The following SGCZ variants were observed in gnomAD, a reference collection of about 807,000 sequenced individuals.
SGCZ encodes the protein zeta-sarcoglycan.
SGCZ carries 40 observed loss-of-function variants against 41.3 expected under a neutral mutation model. The ratio of observed to expected loss-of-function variants is 0.97; its 90% confidence interval spans 0.75 to 1.26. SGCZ has a LOEUF of 1.26. Ranked by LOEUF, SGCZ falls within the 50% of genes most tolerant of loss-of-function variation. SGCZ has a pLI of 0.00. For synonymous variants in SGCZ, 206 were observed against 137.5 expected, an observed-to-expected ratio of 1.50 and a Z score of -3.49; for missense variants, 552 against 369.8, an observed-to-expected ratio of 1.49 and a Z score of -4.04.
chr8:14,595,069 C>A (rs1805365398), intron 1 of SGCZ, among the ~76,000 whole-genome samples: 1 of 150,116 alleles, frequency 6.7e-6, no homozygotes, highest in African/African-American at 2.5e-5. Context: ...TTACTTATTT[C>A]TATACTGTTT....
intron 1 of SGCZ, among the ~76,000 whole-genome samples, chr8:14,800,410 A>C (rs553965323): frequency 6.6e-6 from 1 of 152,272 alleles, no homozygotes; most frequent in Admixed American, 6.5e-5. Context: ...TGCATATGAA[A>C]ATGGAAAGGA....
intron 2 of SGCZ, among the ~76,000 whole-genome samples, chr8:14,527,650 A>G (rs947059220): frequency 3.3e-5 from 5 of 152,142 alleles, no homozygotes; most frequent in African/African-American, 1.2e-4. Context: ...ATTTAAGCTT[A>G]AATTTTAATT....
chr8:14,976,484 G>C (rs1444674172), intron 1 of SGCZ, among the ~76,000 whole-genome samples: 1 of 151,862 alleles, frequency 6.6e-6, no homozygotes, highest in Non-Finnish European at 1.5e-5. Context: ...TTTTTAACTT[G>C]TTAGATGTAT....
chr8:14,343,266 C>A (rs534927207), intron 2 of SGCZ, among the ~76,000 whole-genome samples: 8 of 152,188 alleles, frequency 5.3e-5, no homozygotes, highest in Non-Finnish European at 8.8e-5. Context: ...CACAGAGTTC[C>A]TACTGGGGCA....
chr8:14,462,835 A>T (rs958777726), intron 2 of SGCZ, among the ~76,000 whole-genome samples: 2 of 151,496 alleles, frequency 1.3e-5, no homozygotes, highest in African/African-American at 4.8e-5. Flanking sequence ...ACAATATTAA[A>T]CCTTCCAATC....
chr8:14,163,948 G>A (rs1448553625), intron 5 of SGCZ, among the ~76,000 whole-genome samples: 2 of 152,114 alleles, frequency 1.3e-5, no homozygotes. Context: ...TCATGGTTGT[G>A]AATCAAGTAA....
intron 1 of SGCZ, among the ~76,000 whole-genome samples, chr8:14,608,646 C>T (rs1272239902): frequency 5.7e-3 from 1 of 174 alleles, no homozygotes; most frequent in Non-Finnish European, 0.011. Context: ...CATCGACATA[C>T]ATTTGGTGGG....
At chr8:14,809,653 G>A (rs191329828) in intron 1 of SGCZ, among the ~76,000 whole-genome samples, 3 of 152,036 alleles carry the variant, frequency 2.0e-5, no homozygotes, top group Admixed American at 6.6e-5. Flanking sequence ...AAAGTGAATG[G>A]ATTTAAGACT....
At chr8:14,721,454 T>C (rs767933594) in intron 1 of SGCZ, among the ~76,000 whole-genome samples, 2 of 152,172 alleles carry the variant, frequency 1.3e-5, no homozygotes, top group African/African-American at 2.4e-5. Context: ...AAAGGCAACT[T>C]TGTCCTTCCA....
At position 14,748,261 on chromosome 8, in the gene SGCZ, GA is replaced by G. The variant is rs200585186; in HGVS notation, c.40-193336del. ...TCTTCATGTTACAGTTGAAGAATTT[GA>G]ATTTACAGTGAAAGAATTCAGACCC... On this transcript the variant is annotated intron_variant, in intron 1 of 7. Coordinates refer to ENST00000382080, the MANE Select transcript of SGCZ (RefSeq NM_139167.4). Among the ~76,000 whole-genome samples, 959 of 152,248 alleles carry G rather than the reference GA, an allele frequency of 6.3e-3. 3 individuals carry two copies. The highest frequency in any genetic ancestry group is 0.01 in the Non-Finnish European group (710 of 68,014).
intron 1 of SGCZ, among the ~76,000 whole-genome samples, chr8:14,671,019 C>T (rs1446004858): frequency 2.0e-5 from 3 of 152,184 alleles, no homozygotes; most frequent in African/African-American, 7.2e-5. Context: ...CTCAAGCTTC[C>T]TTGGTGTGCT....
chr8:14,528,866 C>A (rs1803039375), intron 2 of SGCZ, among the ~76,000 whole-genome samples: 1 of 147,454 alleles, frequency 6.8e-6, no homozygotes, highest in Non-Finnish European at 1.5e-5. Context: ...AGAGAAAGTG[C>A]CAAAATCTTC....
intron 1 of SGCZ, among the ~76,000 whole-genome samples, chr8:15,186,325 T>C (rs1205126496): frequency 2.2e-5 from 3 of 136,220 alleles, no homozygotes; most frequent in Non-Finnish European, 4.7e-5. Context: ...CATGTAGTAG[T>C]CCAAAGAGAA....
chr8:14,410,078 C>A (rs554475736), intron 2 of SGCZ, among the ~76,000 whole-genome samples: 1 of 152,152 alleles, frequency 6.6e-6, no homozygotes, highest in Non-Finnish European at 1.5e-5. Context: ...CCAGTAAGAC[C>A]AGGGGTGGCG....
At chr8:14,700,472 G>T (rs1380067382) in intron 1 of SGCZ, among the ~76,000 whole-genome samples, 2 of 151,858 alleles carry the variant, frequency 1.3e-5, no homozygotes, top group Admixed American at 6.6e-5. Flanking sequence ...ATGGATGGCA[G>T]GAGATGGGGG....
At chr8:14,232,948 T>C (rs958065929) in intron 4 of SGCZ, among the ~76,000 whole-genome samples, 1 of 152,128 alleles carries the variant, frequency 6.6e-6, no homozygotes, top group Admixed American at 6.6e-5. Flanking sequence ...CTTAATGTTT[T>C]ACTGGGATAA....
intron 7 of SGCZ, among the ~76,000 whole-genome samples, chr8:14,097,797 G>A (rs1409098765): frequency 6.6e-6 from 1 of 152,080 alleles, no homozygotes; most frequent in Non-Finnish European, 1.5e-5. Context: ...ATATATTTAG[G>A]ATACTTAGAT....
intron 3 of SGCZ, among the ~76,000 whole-genome samples, chr8:14,304,298 T>A (rs72603997): frequency 0.2 from 29,783 of 151,484 alleles, 3,106 homozygotes; most frequent in East Asian, 0.28. Flanking sequence ...AAGAAAATTT[T>A]AAAAAATTAA....
intron 1 of SGCZ, among the ~76,000 whole-genome samples, chr8:14,572,056 C>T (rs926500935): frequency 4.6e-5 from 7 of 152,106 alleles, no homozygotes; most frequent in Non-Finnish European, 7.4e-5. Flanking sequence ...TGAAACATTA[C>T]ATGAATTTAA....
Sources: gnomAD v4.1 joint callset for allele counts (sites outside exome capture counted in the v4.1 genomes callset) on GRCh38, gnomAD v4.1.1 for gene constraint, MANE v1.5 for transcripts, NCBI Gene and HGNC (gene_info 2026-07-23, HGNC 2026-07-21) for gene names.